The following P3H2 variants were observed in gnomAD, a reference collection of about 807,000 sequenced individuals.
P3H2 encodes prolyl 3-hydroxylase 2.
A neutral mutation model predicts 87.0 loss-of-function variants in P3H2; 80 were observed. The observed-to-expected ratio is 0.92, with a 90% CI of 0.77 to 1.11. The LOEUF (loss-of-function observed/expected upper bound fraction) is 1.11, where lower values mean the gene tolerates loss of function less well. Ranked by LOEUF, P3H2 falls within the 50% of genes least tolerant of loss-of-function variation. The probability of loss-of-function intolerance (pLI) is 0.00; values close to 1 mark genes in which losing one functional copy is unlikely to be tolerated. For synonymous variants in P3H2, 367 were observed against 359.3 expected (o/e 1.02, Z -0.24); for missense variants, 1,001 against 923.9 (o/e 1.08, Z -1.08).
chr3:190,046,503 G>A (rs1725810775), intron 1 of P3H2, among the ~76,000 whole-genome samples: 1 of 152,156 alleles, frequency 6.6e-6, no homozygotes, highest in Non-Finnish European at 1.5e-5. Flanking sequence ...GAAGAGAGGA[G>A]CAGAGTTAGA....
intron 1 of P3H2, among the ~76,000 whole-genome samples, chr3:190,030,779 T>C (rs1163988990): frequency 3.3e-5 from 5 of 152,096 alleles, no homozygotes. Flanking sequence ...GTGGAACAAA[T>C]TAGCCCCCAA....
At chr3:190,056,262 G>A (rs1726150677) in intron 1 of P3H2, among the ~76,000 whole-genome samples, 1 of 152,134 alleles carries the variant, frequency 6.6e-6, no homozygotes. Context: ...TGTTGTTCAA[G>A]TCATCCAGAC....
At chr3:189,977,606 T>G (rs1723391958) in intron 8 of P3H2, among the ~76,000 whole-genome samples, 1 of 152,186 alleles carries the variant, frequency 6.6e-6, no homozygotes, top group South Asian at 2.1e-4. Context: ...AAGTAGTCTT[T>G]AAAAAATTTA....
intron 1 of P3H2, among the ~76,000 whole-genome samples, chr3:190,025,672 A>G (rs896362441): frequency 4.6e-5 from 7 of 152,342 alleles, no homozygotes; most frequent in African/African-American, 1.7e-4. Flanking sequence ...GCAGCCCCAA[A>G]ATAGATAAAA....
intron 1 of P3H2, among the ~76,000 whole-genome samples, chr3:190,059,754 C>A (rs73053151): frequency 0.02 from 3,045 of 152,096 alleles, 88 homozygotes; most frequent in African/African-American, 0.067. Context: ...AAACATAATT[C>A]TTGATCATTT....
intron 1 of P3H2, among the ~76,000 whole-genome samples, chr3:190,072,059 G>A (rs866046972): frequency 2.2e-5 from 3 of 138,092 alleles, no homozygotes; most frequent in East Asian, 4.6e-4. Flanking sequence ...TCGGCTCACC[G>A]CAACCTCCAC....
At chr3:189,975,455 G>C (rs963435098) in intron 8 of P3H2, among the ~76,000 whole-genome samples, 1 of 152,068 alleles carries the variant, frequency 6.6e-6, no homozygotes, top group Non-Finnish European at 1.5e-5. Context: ...CAAAGCCTCT[G>C]ATAGAGAGGA....
rs1351156264 is a variant in P3H2, at chr3:190,038,222, C to G, written c.481-42780G>C. Among the ~76,000 whole-genome samples, 3 of 124,928 alleles carry G rather than the reference C, an allele frequency of 2.4e-5. No homozygotes were observed. The East Asian group carries it at 6.9e-4, about 29-fold the overall frequency. The allele number at this position is 124,928 out of a possible 152,430, so 82.0% of individuals were successfully genotyped here. A position where few individuals can be genotyped will look rare whatever the true frequency, so the allele number is the denominator to read the frequency against. On this transcript the variant is annotated intron_variant, in intron 1 of 14. Coordinates refer to ENST00000319332, the MANE Select transcript of P3H2 (RefSeq NM_018192.4). ...CTGCACTCCAGCCTGGGGCACAGAGCAAGACTAGGTTTAAAAAAAAAAAAA... is the reference window on the plus strand; with the variant it reads ...CTGCACTCCAGCCTGGGGCACAGAGGAAGACTAGGTTTAAAAAAAAAAAAA...
At chr3:190,107,397 A>G (rs1711888278) in intron 1 of P3H2, among the ~76,000 whole-genome samples, 1 of 152,202 alleles carries the variant, frequency 6.6e-6, no homozygotes, top group Non-Finnish European at 1.5e-5. Flanking sequence ...TTTTGTGTGA[A>G]TAATTTAGTC....
intron 1 of P3H2, among the ~76,000 whole-genome samples, chr3:190,007,856 G>C (rs1156553907): frequency 6.7e-6 from 1 of 148,524 alleles, no homozygotes; most frequent in Non-Finnish European, 1.5e-5. Context: ...TGTGTAAATG[G>C]GACACTGTAT....
chr3:189,969,601 T>C (rs1200826312), intron 13 of P3H2: 2 of 1,216,194 alleles, frequency 1.6e-6, no homozygotes, highest in Non-Finnish European at 2.4e-6. Flanking sequence ...CTATGACATG[T>C]GTACAGCCCT....
intron 1 of P3H2, among the ~76,000 whole-genome samples, chr3:190,078,749 C>CTTTTTATTTGT (rs1300465138): frequency 6.6e-6 from 1 of 152,186 alleles, no homozygotes; most frequent in Non-Finnish European, 1.5e-5. Flanking sequence ...TATACCCAAA[C>CTTTTTATTTGT]TTTTTATTTG....
chr3:190,084,309 G>A (rs777435750), intron 1 of P3H2, among the ~76,000 whole-genome samples: 8 of 152,100 alleles, frequency 5.3e-5, no homozygotes, highest in South Asian at 2.1e-4. Flanking sequence ...AATGGTCTCC[G>A]CTAAAGAAGA....
chr3:190,018,295 TTATCA>T (rs1485756120), intron 1 of P3H2, among the ~76,000 whole-genome samples: 1 of 152,200 alleles, frequency 6.6e-6, no homozygotes, highest in Non-Finnish European at 1.5e-5. Context: ...AAAATCATGG[TTATCA>T]TGTATTGTGC....
At chr3:189,971,197 C>G (rs1577246425) in intron 12 of P3H2, among the ~76,000 whole-genome samples, 1 of 152,338 alleles carries the variant, frequency 6.6e-6, no homozygotes, top group South Asian at 2.1e-4. Context: ...TTTGAACGTG[C>G]CCACCCTAAT....
intron 1 of P3H2, among the ~76,000 whole-genome samples, chr3:190,057,948 C>T (rs1251217236): frequency 2.0e-5 from 3 of 151,720 alleles, no homozygotes; most frequent in African/African-American, 7.3e-5. Flanking sequence ...ACTTGAAGTA[C>T]TCATTAATGA....
intron 3 of P3H2, among the ~76,000 whole-genome samples, chr3:189,991,004 G>C (rs1328695494): frequency 6.6e-6 from 1 of 152,154 alleles, no homozygotes; most frequent in Non-Finnish European, 1.5e-5. Context: ...GCCATTGGTG[G>C]AAGCAGGTGT....
chr3:190,092,357 A>G (rs1313318418), intron 1 of P3H2, among the ~76,000 whole-genome samples: 1 of 152,180 alleles, frequency 6.6e-6, no homozygotes, highest in Non-Finnish European at 1.5e-5. Flanking sequence ...AATAACCCCA[A>G]TGCCATGAGT....
In P3H2 at chr3:190,053,182, T is replaced by C. The variant is rs868728845; in HGVS notation, c.481-57740A>G. 4.6e-5 allele frequency among the ~76,000 whole-genome samples: 7 copies of C among 152,286 alleles called. No individual in the cohort carries two copies. The South Asian group carries it at 1.4e-3, about 32-fold the overall frequency. On this transcript the variant is annotated intron_variant, in intron 1 of 14. Coordinates refer to ENST00000319332, the MANE Select transcript of P3H2 (RefSeq NM_018192.4). The stretch of plus-strand genomic sequence containing the variant: ...GCCGCTTGTTTCCAATTTTTAGCTA[T>C]CACAAATAAATTTTCTAAAAACATT...
Sources: allele counts gnomAD v4.1 joint callset (sites outside exome capture counted in the v4.1 genomes callset), GRCh38; gene constraint gnomAD v4.1.1; transcripts MANE v1.5; gene names NCBI Gene and HGNC (gene_info 2026-07-23, HGNC 2026-07-21).